Variants in MSI2 observed in about 807,000 individuals in gnomAD.
MSI2 encodes the protein RNA-binding protein Musashi homolog 2.
In MSI2, 17 loss-of-function variants were observed where a neutral mutation model predicts 45.6. That is an observed-to-expected ratio of 0.37 (90% confidence interval 0.26 to 0.56). The LOEUF (loss-of-function observed/expected upper bound fraction) is 0.56. Ranked by LOEUF, MSI2 falls within the 20% of genes least tolerant of loss-of-function variation. MSI2 has a pLI of 0.77. For missense variants in MSI2, 293 were observed against 444.2 expected, an observed-to-expected ratio of 0.66 and a Z score of 3.06; for synonymous variants, 156 against 158.2, an observed-to-expected ratio of 0.99 and a Z score of 0.11.
At chr17:57,268,897 T>G (rs891147954) in intron 5 of MSI2, among the ~76,000 whole-genome samples, 2 of 152,172 alleles carry the variant, frequency 1.3e-5, no homozygotes, top group Non-Finnish European at 2.9e-5. Context: ...TCTGCACTTT[T>G]GTACATCGTG....
intron 7 of MSI2, among the ~76,000 whole-genome samples, chr17:57,586,351 C>G (rs1186703815): frequency 6.6e-6 from 1 of 152,054 alleles, no homozygotes; most frequent in Non-Finnish European, 1.5e-5. Flanking sequence ...TTAGAGGTCT[C>G]TCTCTCTCTC....
chr17:57,335,064 T>C (rs1488578389), intron 5 of MSI2, among the ~76,000 whole-genome samples: 4 of 152,190 alleles, frequency 2.6e-5, no homozygotes, highest in Non-Finnish European at 5.9e-5. Flanking sequence ...ATATTTATTT[T>C]CATGACTATT....
chr17:57,504,407 A>C (rs935408515), intron 6 of MSI2, among the ~76,000 whole-genome samples: 1 of 152,146 alleles, frequency 6.6e-6, no homozygotes, highest in Non-Finnish European at 1.5e-5. Flanking sequence ...AGACCAGTGG[A>C]CTTGACTGGG....
chr17:57,435,518 G>T (rs780638517), intron 6 of MSI2, among the ~76,000 whole-genome samples: 2 of 152,218 alleles, frequency 1.3e-5, no homozygotes, highest in Non-Finnish European at 2.9e-5. Context: ...AGACTGGATA[G>T]TGGGGAGCTA....
intron 7 of MSI2, among the ~76,000 whole-genome samples, chr17:57,555,624 A>T (rs893337442): frequency 1.3e-5 from 2 of 151,822 alleles, no homozygotes; most frequent in Non-Finnish European, 2.9e-5. Flanking sequence ...GCATGCCTCC[A>T]TCATTATTTC....
At chr17:57,648,132 CGTGT>C (rs765039915) in intron 10 of MSI2, among the ~76,000 whole-genome samples, 9,025 of 116,094 alleles carry the variant, frequency 0.078, 352 homozygotes, top group African/African-American at 0.14. Flanking sequence ...CTGGCTAATT[CGTGT>C]GTGTGTGTGT....
intron 7 of MSI2, among the ~76,000 whole-genome samples, chr17:57,594,751 G>A (rs1905124870): frequency 6.6e-6 from 1 of 152,192 alleles, no homozygotes; most frequent in Non-Finnish European, 1.5e-5. Flanking sequence ...TCGGATGTCT[G>A]CTTCAGGCCT....
chr17:57,486,982 T>A (rs758742829), intron 6 of MSI2, among the ~76,000 whole-genome samples: 1 of 152,012 alleles, frequency 6.6e-6, no homozygotes, highest in Non-Finnish European at 1.5e-5. Flanking sequence ...GCTTTGGGAT[T>A]GTAAAAGAGA....
At chr17:57,534,568 C>T (rs536269537) in intron 7 of MSI2, among the ~76,000 whole-genome samples, 3 of 151,722 alleles carry the variant, frequency 2.0e-5, no homozygotes, top group East Asian at 2.0e-4. Flanking sequence ...AAAAATTAGC[C>T]GGGTGTGGTG....
At chr17:57,401,570 T>A in intron 6 of MSI2, 99 bp downstream of exon 6, 1 of 859,230 alleles carries the variant, frequency 1.2e-6, no homozygotes, top group Non-Finnish European at 1.9e-6. Context: ...AGCTGTGTCC[T>A]CAAGAACCTT....
At position 57,652,504 on chromosome 17, in the gene MSI2, T is replaced by G. The variant is rs1911237414; in HGVS notation, c.790+343T>G. On this transcript the variant is annotated intron_variant, in intron 11 of 13. Coordinates refer to ENST00000284073, the MANE Select transcript of MSI2 (RefSeq NM_138962.4). This position sits in a 1 kb window ranked among gnomAD's most constrained non-coding sequence, Gnocchi z 4.1. Reference sequence around the variant, plus strand: ...CCTGTGGTCATTTCCCTCCTTGGCTTTTGCTAATTCAACAGGCTCCCTTCC... The same window carrying G: ...CCTGTGGTCATTTCCCTCCTTGGCTGTTGCTAATTCAACAGGCTCCCTTCC... Among the ~76,000 whole-genome samples, 1 of 152,176 alleles carries G rather than the reference T, an allele frequency of 6.6e-6. No individual in the cohort carries two copies. The highest frequency in any genetic ancestry group is 2.4e-5 in the African/African-American group (1 of 41,432).
At chr17:57,595,965 C>A (rs886707769) in intron 7 of MSI2, among the ~76,000 whole-genome samples, 11 of 152,306 alleles carry the variant, frequency 7.2e-5, no homozygotes, top group Admixed American at 6.5e-4. Flanking sequence ...AGTGTGTCTG[C>A]CCCCATGGCC....
chr17:57,287,011 A>G (rs1909954717), intron 5 of MSI2, among the ~76,000 whole-genome samples: 1 of 152,122 alleles, frequency 6.6e-6, no homozygotes, highest in South Asian at 2.1e-4. Flanking sequence ...CTCGCGCCGC[A>G]GAGAGTTTTG....
At chr17:57,392,475 A>G (rs1567797604) in intron 5 of MSI2, among the ~76,000 whole-genome samples, 1 of 151,978 alleles carries the variant, frequency 6.6e-6, no homozygotes, top group Non-Finnish European at 1.5e-5. Context: ...TATGTTGTAT[A>G]ATTGTGTGTG....
At chr17:57,335,841 G>A (rs914507242) in intron 5 of MSI2, among the ~76,000 whole-genome samples, 1 of 152,332 alleles carries the variant, frequency 6.6e-6, no homozygotes, top group East Asian at 1.9e-4. Flanking sequence ...AGAGGCAGAA[G>A]CTGGCATGTG....
chr17:57,660,549 A>G (rs566677513), intron 11 of MSI2, among the ~76,000 whole-genome samples: 11 of 152,342 alleles, frequency 7.2e-5, no homozygotes, highest in Non-Finnish European at 1.6e-4. Context: ...CTCCCAACCT[A>G]GTGTGGAAAC....
intron 6 of MSI2, among the ~76,000 whole-genome samples, chr17:57,486,712 C>T (rs956225487): frequency 2.6e-5 from 4 of 152,130 alleles, no homozygotes; most frequent in Non-Finnish European, 5.9e-5. Context: ...ATACAAATGG[C>T]GGTCCATCCT....
intron 6 of MSI2, among the ~76,000 whole-genome samples, chr17:57,445,215 C>G (rs1040649639): frequency 6.6e-6 from 1 of 152,146 alleles, no homozygotes; most frequent in Non-Finnish European, 1.5e-5. Flanking sequence ...AGGAGATGAT[C>G]CCAGAAAAGC....
chr17:57,343,905 G>A (rs929380119), intron 5 of MSI2, among the ~76,000 whole-genome samples: 3 of 152,202 alleles, frequency 2.0e-5, no homozygotes, highest in Non-Finnish European at 4.4e-5. Flanking sequence ...TTCCTGGCCA[G>A]AACACGACGT....
Sources: gnomAD v4.1 joint callset for allele counts (sites outside exome capture counted in the v4.1 genomes callset) on GRCh38, gnomAD v4.1.1 for gene constraint, Gnocchi (gnomAD v3.1) non-coding constraint, MANE v1.5 for transcripts, NCBI Gene and HGNC (gene_info 2026-07-23, HGNC 2026-07-21) for gene names.